The following FLRT2 variants were observed in gnomAD, a reference collection of about 807,000 sequenced individuals.
The protein encoded by FLRT2 is leucine-rich repeat transmembrane protein FLRT2.
FLRT2 carries 15 observed loss-of-function variants against 40.0 expected under a neutral mutation model. The ratio of observed to expected loss-of-function variants is 0.38; its 90% CI spans 0.25 to 0.58. The LOEUF is 0.58. Among genes scored for constraint, FLRT2 ranks in the 20% least tolerant of loss-of-function variants. The probability of loss-of-function intolerance (pLI) is 0.71; values close to 1 mark genes in which losing one functional copy is unlikely to be tolerated. For synonymous variants in FLRT2, 380 were observed against 336.8 expected, an observed-to-expected ratio of 1.13 and a Z score of -1.41; for missense variants, 726 against 840.0, an observed-to-expected ratio of 0.86 and a Z score of 1.68.
chr14:85,583,668 C>T (rs758971384), intron 1 of FLRT2, among the ~76,000 whole-genome samples: 9 of 152,008 alleles, frequency 5.9e-5, no homozygotes, highest in African/African-American at 9.7e-5. Context: ...GCATTGTGCA[C>T]GGAAGGAGAT....
Position 85,542,292 on chromosome 14 carries a change from A to G in FLRT2, c.-377+11758A>G, listed in dbSNP as rs541472079. Among the ~76,000 whole-genome samples, 6 of 152,262 alleles carry G rather than the reference A, an allele frequency of 3.9e-5. No individual in the cohort carries two copies. In the South Asian group the frequency reaches 1.2e-3, roughly 31 times the overall value. On this transcript the variant is annotated intron_variant, in intron 1 of 1. Coordinates refer to ENST00000330753, the MANE Select transcript of FLRT2 (RefSeq NM_013231.6). ...ATGGTACTGGGGTTATTTTTCATTT[A>G]TCATTATAATTGCATGTATGTATAG... is the stretch of plus-strand genomic sequence containing the variant.
intron 1 of FLRT2, among the ~76,000 whole-genome samples, chr14:85,581,496 C>A (rs1891384571): frequency 6.6e-6 from 1 of 152,144 alleles, no homozygotes; most frequent in Admixed American, 6.5e-5. Context: ...AGCAATATGG[C>A]GGTTGTTCCC....
rs565988988 is a variant in FLRT2 at position 85,586,883 on chromosome 14, T to G, written c.-376-34256T>G. The stretch of plus-strand genomic sequence containing the variant: ...AGTGGGGTCATGCTATTTCTCAAAG[T>G]CAGAAGAAAGAAGTTCACATACAAA... On this transcript the variant is annotated intron_variant, in intron 1 of 1. Transcript: ENST00000330753. Among the ~76,000 whole-genome samples the G allele has an allele frequency of 3.5e-4, 53 of 152,274 alleles. 1 individual carries two copies. The highest frequency in any genetic ancestry group is 5.4e-4 in the Non-Finnish European group (37 of 68,024).
At chr14:85,543,279 G>A (rs985640189) in intron 1 of FLRT2, among the ~76,000 whole-genome samples, 10 of 151,988 alleles carry the variant, frequency 6.6e-5, no homozygotes, top group African/African-American at 9.7e-5. Context: ...TTTTCTGACC[G>A]GAGAATCAGT....
intron 1 of FLRT2, among the ~76,000 whole-genome samples, chr14:85,544,758 G>T (rs540280216): frequency 6.6e-6 from 1 of 152,202 alleles, no homozygotes; most frequent in South Asian, 2.1e-4. Context: ...CTTCTTGTTG[G>T]CCAAAAGAAA....
chr14:85,571,857 G>A (rs1028676910), intron 1 of FLRT2, among the ~76,000 whole-genome samples: 4 of 152,150 alleles, frequency 2.6e-5, no homozygotes, highest in African/African-American at 9.7e-5. Flanking sequence ...GAAATAGAAA[G>A]GTGAACATGT....
intron 1 of FLRT2, among the ~76,000 whole-genome samples, chr14:85,530,828 A>G (rs1438885829): frequency 1.3e-5 from 2 of 152,116 alleles, no homozygotes; most frequent in East Asian, 3.9e-4. Context: ...CATCGATGCT[A>G]AATTGGGGTT....
intron 1 of FLRT2, among the ~76,000 whole-genome samples, chr14:85,601,040 G>A (rs570784051): frequency 6.6e-6 from 1 of 152,290 alleles, no homozygotes; most frequent in African/African-American, 2.4e-5. Context: ...TACAGTAACA[G>A]GAGGGTGAGA....
intron 1 of FLRT2, among the ~76,000 whole-genome samples, chr14:85,596,501 C>CGTTGTT (rs60592534): frequency 4.0e-5 from 6 of 151,676 alleles, no homozygotes; most frequent in African/African-American, 9.7e-5. Flanking sequence ...TCTTTGTTGT[C>CGTTGTT]GTTGTTGTTG....
intron 1 of FLRT2, among the ~76,000 whole-genome samples, chr14:85,558,692 G>A (rs17121243): frequency 0.053 from 8,110 of 152,252 alleles, 722 homozygotes; most frequent in African/African-American, 0.18. Context: ...TAATTGCTCA[G>A]ATGAAGGGCA....
At chr14:85,614,790 G>C (rs187553689) in intron 1 of FLRT2, among the ~76,000 whole-genome samples, 6 of 152,206 alleles carry the variant, frequency 3.9e-5, no homozygotes, top group Admixed American at 1.3e-4. Flanking sequence ...TTTTCCCAAA[G>C]GTTACTGTCT....
Position 85,603,098 on chromosome 14 carries a change from C to A in FLRT2, c.-376-18041C>A, listed in dbSNP as rs1892451552. On this transcript the variant is annotated intron_variant, in intron 1 of 1. Transcript: ENST00000330753. ...TGTCTGGGTATAATTTTGTTGATAC[C>A]TCTTTGGCATTTATGACCATCTGCC... Among the ~76,000 whole-genome samples the A allele has an allele frequency of 3.3e-5, 5 of 151,924 alleles. No homozygotes were observed. The South Asian group carries it at 8.3e-4, about 25-fold the overall frequency.
rs1252737912 is a variant in FLRT2 at position 85,643,344 on chromosome 14, TTTC to T, written c.*19850_*19852del. Reference sequence around the variant, plus strand: ...CTTTCTTTCTTTCTTTCTTTCTTTCTTTCTTTCTTTCTTCCTTCCTTCCTTCCT... The same window carrying T: ...CTTTCTTTCTTTCTTTCTTTCTTTCTTTTCTTTCTTCCTTCCTTCCTTCCT... On this transcript the variant is annotated 3_prime_UTR_variant, in exon 2 of 2. Coordinates refer to ENST00000330753, the MANE Select transcript of FLRT2 (RefSeq NM_013231.6). 3 of 53,604 alleles carry T rather than the reference TTTC, an allele frequency of 5.6e-5. No individual in the cohort carries two copies. The highest frequency in any genetic ancestry group is 1.6e-4 in the African/African-American group (3 of 18,686). 3.3% of individuals were successfully genotyped at this position (53,604 alleles called of 1,614,324 possible).
At chr14:85,603,811 C>T (rs1292845044) in intron 1 of FLRT2, among the ~76,000 whole-genome samples, 17 of 152,182 alleles carry the variant, frequency 1.1e-4, no homozygotes, top group Admixed American at 5.2e-4. Flanking sequence ...GAGATTGCAG[C>T]GAGCCGAGGT....
rs541761484 is a variant in FLRT2, at chr14:85,577,498, ACT to A, written c.-376-43638_-376-43637del. Among the ~76,000 whole-genome samples the A allele has an allele frequency of 5.0e-4, 75 of 151,444 alleles. No homozygotes were observed. In the Middle Eastern group the frequency reaches 0.014, roughly 28 times the overall value. On this transcript the variant is annotated intron_variant, in intron 1 of 1. Transcript: ENST00000330753. ...CCCTGCAGCCATGCTCCCTTTCAAG[ACT>A]CTGTTTTCTAGGCAGTCTCCTCTCT...
rs780754794 is a variant in FLRT2 at position 85,641,099 on chromosome 14, G to A, written c.*17602G>A. The stretch of plus-strand genomic sequence containing the variant: ...TATTTAGTCTATGACTTATTTCTGC[G>A]AAAACCCACGAAAGTGAAAACTAAC... On this transcript the variant is annotated 3_prime_UTR_variant, in exon 2 of 2. Transcript: ENST00000330753. The A allele has an allele frequency of 4.6e-5, 7 of 152,034 alleles. No individual in the cohort carries two copies. Among genetic ancestry groups the A allele is most frequent in the Non-Finnish European group, 7.4e-5 (5 of 68,022 alleles). 9.4% of individuals were successfully genotyped at this position (152,034 alleles called of 1,614,324 possible).
chr14:85,622,639 T>A lies in FLRT2; in HGVS notation c.1125T>A (p.Ser375Arg), dbSNP rs772528332. 1.2e-6 allele frequency: 2 copies of A among 1,613,910 alleles called. No homozygotes were observed. The highest frequency in any genetic ancestry group is 3.3e-5 in the Admixed American group (2 of 60,000). ...PGLPLFTPAP[S>R]TASPTTQPPT... The stretch of plus-strand genomic sequence containing the variant: ...TGCCTCTCTTCACCCCAGCCCCAAG[T>A]ACAGCTTCTCCGACCACTCAGCCTC... The change falls in exon 2 of 2, where the codon AGT becomes AGA. Residue 375 changes from serine to arginine, a missense_variant. Coordinates refer to ENST00000330753, the MANE Select transcript of FLRT2 (RefSeq NM_013231.6).
rs1353072313 is a variant in FLRT2 at position 85,632,940 on chromosome 14, T to C, written c.*9443T>C. 1 of 152,246 alleles carries C rather than the reference T, an allele frequency of 6.6e-6. No individual in the cohort carries two copies. Among genetic ancestry groups the C allele is most frequent in the African/African-American group, 2.4e-5 (1 of 41,474 alleles). The allele number at this position is 152,246 out of a possible 1,614,324, so 9.4% of individuals were successfully genotyped here. A position where few individuals can be genotyped will look rare whatever the true frequency, so the allele number is the denominator to read the frequency against. On this transcript the variant is annotated 3_prime_UTR_variant, in exon 2 of 2. Coordinates refer to ENST00000330753, the MANE Select transcript of FLRT2 (RefSeq NM_013231.6). ...AATGATGTCTAACACATATGGTGGT[T>C]GTCAGAATTAAAGGCATATATAGTA...
At chr14:85,530,943 T>C (rs573523350) in intron 1 of FLRT2, among the ~76,000 whole-genome samples, 22 of 152,330 alleles carry the variant, frequency 1.4e-4, no homozygotes, top group African/African-American at 5.0e-4. Flanking sequence ...CTGTTGTTAA[T>C]GTCACCAGCG....
Sources: allele counts gnomAD v4.1 joint callset (sites outside exome capture counted in the v4.1 genomes callset), GRCh38; gene constraint gnomAD v4.1.1; transcripts MANE v1.5; gene names NCBI Gene and HGNC (gene_info 2026-07-23, HGNC 2026-07-21).